Variants in FAM13A observed in about 807,000 individuals in gnomAD.
FAM13A encodes family with sequence similarity 13 member A.
In FAM13A, 76 loss-of-function variants were observed where a neutral mutation model predicts 129.6. The observed-to-expected ratio is 0.59, with a 90% CI of 0.49 to 0.71. The LOEUF is 0.71. FAM13A is among the 30% of genes least tolerant of loss of function. The pLI, the probability that FAM13A is intolerant of heterozygous loss-of-function variation, is 0.00. For synonymous variants in FAM13A, 443 were observed against 449.9 expected, an observed-to-expected ratio of 0.98 and a Z score of 0.20; for missense variants, 1,108 against 1,249.3, an observed-to-expected ratio of 0.89 and a Z score of 1.70.
chr4:88,828,380 T>C (rs375909765), intron 7 of FAM13A, among the ~76,000 whole-genome samples: 32 of 152,288 alleles, frequency 2.1e-4, no homozygotes, highest in African/African-American at 7.0e-4. Flanking sequence ...TCAAGCAGTC[T>C]TCTCACCTTG....
At chr4:88,823,981 T>C (rs1191835990) in intron 7 of FAM13A, among the ~76,000 whole-genome samples, 1 of 152,224 alleles carries the variant, frequency 6.6e-6, no homozygotes, top group Non-Finnish European at 1.5e-5. Context: ...CAACAGCATT[T>C]TGGGGGGGTT....
At chr4:89,002,579 G>GTATGTGAAT (rs1764407253) in intron 3 of FAM13A, among the ~76,000 whole-genome samples, 1 of 152,046 alleles carries the variant, frequency 6.6e-6, no homozygotes, top group South Asian at 2.1e-4. Context: ...ACTGACATTT[G>GTATGTGAAT]GGCATCCCCA....
chr4:88,971,033 C>T (rs570862657), intron 4 of FAM13A, among the ~76,000 whole-genome samples: 3 of 152,224 alleles, frequency 2.0e-5, no homozygotes, highest in South Asian at 2.1e-4. Context: ...ATGGTGAAAC[C>T]CCATCTCTAC....
At position 89,056,979 on chromosome 4, in the gene FAM13A, TC is replaced by T; in HGVS notation, c.-16del. ...CCTGCCCCCATTCTCTCAGAAAGCG[TC>T]TGGAAGAACTGAGGAAGACCAGACG... On this transcript the variant is annotated 5_prime_UTR_variant, in exon 1 of 24. Coordinates refer to ENST00000264344, the MANE Select transcript of FAM13A (RefSeq NM_014883.4). 6.2e-7 allele frequency: 1 copy of T among 1,613,546 alleles called. No homozygotes were observed. The highest frequency in any genetic ancestry group is 8.5e-7 in the Non-Finnish European group (1 of 1,179,774).
intron 4 of FAM13A, among the ~76,000 whole-genome samples, chr4:88,985,713 C>T (rs1762142629): frequency 6.6e-6 from 1 of 151,982 alleles, no homozygotes; most frequent in Non-Finnish European, 1.5e-5. Flanking sequence ...CTTGGTGATA[C>T]ATATGCACAA....
intron 7 of FAM13A, among the ~76,000 whole-genome samples, chr4:88,811,314 GAGACTC>G (rs1304576136): frequency 1.3e-5 from 2 of 152,144 alleles, no homozygotes; most frequent in Non-Finnish European, 2.9e-5. Flanking sequence ...TGTCAAGAAT[GAGACTC>G]AGAGAGACAG....
chr4:88,991,321 C>T (rs1438257224), intron 3 of FAM13A, among the ~76,000 whole-genome samples, 171 bp from the exon 4 acceptor site: 2 of 152,052 alleles, frequency 1.3e-5, no homozygotes, highest in Non-Finnish European at 2.9e-5. Context: ...TACTGTAGTC[C>T]CAGCTACTCA....
At chr4:88,805,182 T>C in intron 7 of FAM13A, 130 bp from the exon 8 acceptor site, 1 of 620,580 alleles carries the variant, frequency 1.6e-6, no homozygotes, top group East Asian at 2.9e-5. Context: ...GGAATAAGGT[T>C]AGTAAAACAT....
Position 88,991,053 on chromosome 4 carries a change from C to T in FAM13A, c.525G>A (p.Leu175=), listed in dbSNP as rs1235015517. 6.2e-7 allele frequency: 1 copy of T among 1,614,110 alleles called. No homozygotes were observed. Among genetic ancestry groups the T allele is most frequent in the Admixed American group, 1.7e-5 (1 of 60,012 alleles). Residue 175 remains leucine (L), a synonymous_variant, in exon 4 of 24, where the codon TTG becomes TTA. Coordinates refer to ENST00000264344, the MANE Select transcript of FAM13A (RefSeq NM_014883.4). ...YCLLKYLCQF[L]TKVAKHHVQN... ...GCACATGATGCTTGGCTACTTTTGT[C>T]AAGAACTGGCAAAGGTACTTGAGGA...
At chr4:88,806,599 C>T (rs1470113927) in intron 7 of FAM13A, among the ~76,000 whole-genome samples, 1 of 152,054 alleles carries the variant, frequency 6.6e-6, no homozygotes, top group Non-Finnish European at 1.5e-5. Context: ...ATTTGGGTTT[C>T]CAATTTCAAC....
intron 3 of FAM13A, among the ~76,000 whole-genome samples, chr4:88,995,700 A>G (rs1763452347): frequency 6.6e-6 from 1 of 152,102 alleles, no homozygotes; most frequent in East Asian, 1.9e-4. Context: ...CAGCTTGCAG[A>G]TGGGCTATTG....
chr4:88,985,743 A>G (rs1337589026), intron 4 of FAM13A, among the ~76,000 whole-genome samples: 2 of 152,164 alleles, frequency 1.3e-5, no homozygotes, highest in Non-Finnish European at 2.9e-5. Flanking sequence ...ATGTGGGATC[A>G]TATCTAACAG....
At chr4:89,033,121 A>AACAC (rs34356325) in intron 1 of FAM13A, among the ~76,000 whole-genome samples, 88 of 145,420 alleles carry the variant, frequency 6.1e-4, no homozygotes, top group African/African-American at 1.5e-3. Flanking sequence ...GTTCTGTAAC[A>AACAC]ACACACACAC....
At chr4:88,772,526 T>C (rs959044809) in intron 11 of FAM13A, among the ~76,000 whole-genome samples, 1 of 152,166 alleles carries the variant, frequency 6.6e-6, no homozygotes, top group African/African-American at 2.4e-5. Context: ...AGAAGTGATA[T>C]ATGTGGCTTC....
intron 4 of FAM13A, among the ~76,000 whole-genome samples, chr4:88,962,027 A>G (rs973721582): frequency 1.3e-5 from 2 of 151,646 alleles, no homozygotes; most frequent in Non-Finnish European, 2.9e-5. Context: ...AGAGAGAGAA[A>G]GGGAAAGAAG....
intron 5 of FAM13A, among the ~76,000 whole-genome samples, chr4:88,929,785 TG>T: frequency 6.6e-6 from 1 of 152,198 alleles, no homozygotes; most frequent in East Asian, 1.9e-4. Context: ...TCACTCAGGC[TG>T]GAACACAGTG....
chr4:88,727,092 A>G lies in FAM13A; in HGVS notation c.*1441T>C, dbSNP rs1736609588. On this transcript the variant is annotated 3_prime_UTR_variant, in exon 24 of 24. Transcript: ENST00000264344. Reference sequence around the variant, plus strand: ...TTCCTTAAAACTGTGCCCTTTCAGAAGGCAACTTTCAAAACATACGAGGGT... The same window carrying G: ...TTCCTTAAAACTGTGCCCTTTCAGAGGGCAACTTTCAAAACATACGAGGGT... 6.6e-6 allele frequency: 1 copy of G among 152,306 alleles called. No homozygotes were observed. The allele number at this position is 152,306 out of a possible 1,614,324, so 9.4% of individuals were successfully genotyped here. A position where few individuals can be genotyped will look rare whatever the true frequency, so the allele number is the denominator to read the frequency against.
intron 6 of FAM13A, among the ~76,000 whole-genome samples, chr4:88,866,356 A>G (rs1740439232): frequency 6.6e-6 from 1 of 151,684 alleles, no homozygotes; most frequent in Non-Finnish European, 1.5e-5. Flanking sequence ...TAATTTTTGT[A>G]TTTTTAGTAG....
At chr4:88,978,476 T>C (rs1408631084) in intron 4 of FAM13A, among the ~76,000 whole-genome samples, 1 of 152,144 alleles carries the variant, frequency 6.6e-6, no homozygotes, top group African/African-American at 2.4e-5. Flanking sequence ...ACAGGAAATA[T>C]GTATAACCTA....
Sources: allele counts gnomAD v4.1 joint callset (sites outside exome capture counted in the v4.1 genomes callset), GRCh38; gene constraint gnomAD v4.1.1; transcripts MANE v1.5; gene names NCBI Gene and HGNC (gene_info 2026-07-23, HGNC 2026-07-21).